Variants in CCNJL observed in about 807,000 individuals in gnomAD.
The protein encoded by CCNJL is cyclin-J-like protein.
CCNJL carries 33 observed loss-of-function variants against 33.4 expected under a neutral mutation model. That is an observed-to-expected ratio of 0.99 (90% CI 0.75 to 1.32). The LOEUF (loss-of-function observed/expected upper bound fraction) is 1.32, where lower values mean the gene tolerates loss of function less well. Ranked by LOEUF, CCNJL falls within the 40% of genes most tolerant of loss-of-function variation. The pLI, the probability that CCNJL is intolerant of heterozygous loss-of-function variation, is 0.00. For missense variants in CCNJL, 512 were observed against 499.7 expected (o/e 1.02, Z -0.23); for synonymous variants, 227 against 220.9 (o/e 1.03, Z -0.24).
At chr5:160,277,673 G>A (rs1384538926) in intron 3 of CCNJL, among the ~76,000 whole-genome samples, 3 of 151,908 alleles carry the variant, frequency 2.0e-5, no homozygotes, top group South Asian at 2.1e-4. Context: ...GTCCCTGGCT[G>A]AGCCCTGTTG....
At chr5:160,268,089 A>G (rs1457372605) in intron 3 of CCNJL, among the ~76,000 whole-genome samples, 3 of 152,190 alleles carry the variant, frequency 2.0e-5, no homozygotes, top group Admixed American at 2.0e-4. Flanking sequence ...GACTTCTTGC[A>G]GTTATTGAAG....
At chr5:160,281,153 C>T (rs1306062052) in intron 2 of CCNJL, among the ~76,000 whole-genome samples, 2 of 152,126 alleles carry the variant, frequency 1.3e-5, no homozygotes, top group African/African-American at 4.8e-5. Flanking sequence ...TGGTCACCTG[C>T]CATCACCTTT....
chr5:160,291,026 C>T (rs1287858066), intron 2 of CCNJL, among the ~76,000 whole-genome samples: 2 of 122,226 alleles, frequency 1.6e-5, no homozygotes, highest in Non-Finnish European at 3.3e-5. Context: ...AGAAACACCC[C>T]GTCTTTACTT....
intron 2 of CCNJL, among the ~76,000 whole-genome samples, chr5:160,308,385 C>G (rs1007846509): frequency 1.3e-5 from 2 of 152,184 alleles, no homozygotes; most frequent in Non-Finnish European, 2.9e-5. Flanking sequence ...CTGAGGCCCC[C>G]GCAAGGAAGA....
intron 2 of CCNJL, chr5:160,294,769 C>T (rs1376751411): frequency 1.3e-5 from 2 of 152,290 alleles, no homozygotes; most frequent in Non-Finnish European, 2.9e-5. Context: ...TCCTCCCACG[C>T]CCTCTGTTAT....
At chr5:160,324,715 A>G (rs550928617) in intron 1 of CCNJL, among the ~76,000 whole-genome samples, 52 of 152,206 alleles carry the variant, frequency 3.4e-4, no homozygotes, top group African/African-American at 1.2e-3. Flanking sequence ...TGTAGTTCAC[A>G]TTTCTTTGCT....
chr5:160,313,753 T>C (rs1397085781), upstream of CCNJL, among the ~76,000 whole-genome samples: 1 of 152,202 alleles, frequency 6.6e-6, no homozygotes, highest in Admixed American at 6.5e-5. Context: ...TAACCCAAAT[T>C]ACTCTATTTA....
Position 160,253,639 on chromosome 5 carries a change from G to T in CCNJL, c.903C>A (p.Pro301=). ...PATTLAQFQT[P]VQDLCLAYRD... ...GATAGGCCAAGCATAGGTCCTGCAC[G>T]GGGGTCTGGAACTGTGCCAGGGTGG... Residue 301 remains proline, a synonymous_variant, in exon 6 of 6, where the codon CCC becomes CCA. Transcript: ENST00000257536. The T allele has an allele frequency of 6.2e-7, 1 of 1,612,646 alleles. No homozygotes were observed. The highest frequency in any genetic ancestry group is 8.5e-7 in the Non-Finnish European group (1 of 1,179,160).
intron 2 of CCNJL, among the ~76,000 whole-genome samples, chr5:160,285,924 G>A (rs1762391966): frequency 6.6e-6 from 1 of 152,240 alleles, no homozygotes; most frequent in Non-Finnish European, 1.5e-5. Flanking sequence ...GTGCGGGGCG[G>A]CAGCTCCTCT....
intron 3 of CCNJL, among the ~76,000 whole-genome samples, chr5:160,267,400 C>G (rs1425942006): frequency 6.6e-6 from 1 of 152,230 alleles, no homozygotes; most frequent in Admixed American, 6.5e-5. Flanking sequence ...AAAAGTCTGT[C>G]TGCTCCATGA....
At chr5:160,308,690 G>A (rs1039253006) in intron 2 of CCNJL, among the ~76,000 whole-genome samples, 2 of 152,324 alleles carry the variant, frequency 1.3e-5, no homozygotes, top group East Asian at 1.9e-4. Context: ...CCCGGGAGGC[G>A]GAGGTTGCAC....
At chr5:160,316,949 C>T (rs1410421640), upstream of CCNJL, among the ~76,000 whole-genome samples, 1 of 152,204 alleles carries the variant, frequency 6.6e-6, no homozygotes, top group Non-Finnish European at 1.5e-5. Context: ...ATATAAATTC[C>T]TCAAATACTC....
chr5:160,313,525 G>A (rs1763337150), upstream of CCNJL, among the ~76,000 whole-genome samples: 1 of 152,120 alleles, frequency 6.6e-6, no homozygotes, highest in African/African-American at 2.4e-5. Context: ...CTGCTTTCCT[G>A]CACATAAAGA....
intron 3 of CCNJL, among the ~76,000 whole-genome samples, chr5:160,276,888 A>C (rs2113334002): frequency 6.6e-6 from 1 of 152,114 alleles, no homozygotes; most frequent in Middle Eastern, 3.4e-3. Flanking sequence ...GGCTCAAGCA[A>C]TTCTCCAGCC....
intron 3 of CCNJL, among the ~76,000 whole-genome samples, chr5:160,272,198 G>A (rs1761860412): frequency 6.6e-6 from 1 of 152,186 alleles, no homozygotes; most frequent in South Asian, 2.1e-4. Context: ...AATCTCCAGT[G>A]GGGAGACCCC....
chr5:160,306,312 G>A (rs941649980), intron 2 of CCNJL, among the ~76,000 whole-genome samples: 2 of 147,754 alleles, frequency 1.4e-5, no homozygotes, highest in African/African-American at 5.0e-5. Flanking sequence ...CAGAGCTGAA[G>A]TCCTCTGAGT....
intron 3 of CCNJL, among the ~76,000 whole-genome samples, chr5:160,267,958 G>A (rs538647417): frequency 2.5e-4 from 38 of 152,306 alleles, no homozygotes; most frequent in Admixed American, 5.2e-4. Context: ...ATGATCAACA[G>A]GACTTAGTTT....
intron 2 of CCNJL, among the ~76,000 whole-genome samples, chr5:160,291,730 C>A (rs375475332): frequency 6.6e-6 from 1 of 152,218 alleles, no homozygotes; most frequent in African/African-American, 2.4e-5. Context: ...CAGCTTTCAC[C>A]TGCAGAAACG....
intron 1 of CCNJL, among the ~76,000 whole-genome samples, chr5:160,325,714 A>G (rs1422123507): frequency 6.6e-6 from 1 of 152,210 alleles, no homozygotes; most frequent in Non-Finnish European, 1.5e-5. Flanking sequence ...CTGTATTTTC[A>G]GAATTGGGAT....
Sources: gnomAD v4.1 joint callset for allele counts (sites outside exome capture counted in the v4.1 genomes callset) on GRCh38, gnomAD v4.1.1 for gene constraint, MANE v1.5 for transcripts, NCBI Gene and HGNC (gene_info 2026-07-23, HGNC 2026-07-21) for gene names.